ARID4B: variants seen among roughly 807,000 people sequenced by gnomAD.
ARID4B encodes the protein AT-rich interaction domain 4B.
A neutral mutation model predicts 147.5 loss-of-function variants in ARID4B; 26 were observed. The observed-to-expected ratio is 0.18, with a 90% CI of 0.13 to 0.24. The LOEUF (loss-of-function observed/expected upper bound fraction) is 0.24, where lower values mean the gene tolerates loss of function less well. ARID4B is among the 10% of genes least tolerant of loss of function. ARID4B has a pLI of 1.00. For synonymous variants in ARID4B, 512 were observed against 507.9 expected, an observed-to-expected ratio of 1.01 and a Z score of -0.11; for missense variants, 1,179 against 1,511.5, an observed-to-expected ratio of 0.78 and a Z score of 3.65.
intron 2 of ARID4B, among the ~76,000 whole-genome samples, chr1:235,266,310 A>G (rs1305936152): frequency 1.3e-5 from 2 of 152,114 alleles, no homozygotes; most frequent in African/African-American, 2.4e-5. Context: ...ATGCATGTCT[A>G]TCTATACGTA....
At chr1:235,260,537 C>G in intron 3 of ARID4B, 105 bp downstream of exon 3, 2 of 735,162 alleles carry the variant, frequency 2.7e-6, no homozygotes, top group Non-Finnish European at 4.2e-6. Context: ...ACAACCTTCA[C>G]TCCTAGAAAC....
intron 2 of ARID4B, among the ~76,000 whole-genome samples, chr1:235,309,883 A>G (rs993440785): frequency 3.3e-5 from 5 of 152,150 alleles, no homozygotes; most frequent in African/African-American, 1.2e-4. Flanking sequence ...CTTACCCCCA[A>G]CCCTGTGCTC....
chr1:235,318,536 T>C (rs1238434844), intron 2 of ARID4B, among the ~76,000 whole-genome samples: 2 of 152,108 alleles, frequency 1.3e-5, no homozygotes, highest in Non-Finnish European at 2.9e-5. Flanking sequence ...GCCACATATG[T>C]ATTACAGGAT....
At chr1:235,268,431 A>G (rs927727583) in intron 2 of ARID4B, among the ~76,000 whole-genome samples, 1 of 152,132 alleles carries the variant, frequency 6.6e-6, no homozygotes, top group African/African-American at 2.4e-5. Context: ...GTGTGTCCCT[A>G]TATTTTCCTA....
At chr1:235,250,024 G>A (rs1030516189) in intron 6 of ARID4B, among the ~76,000 whole-genome samples, 7 of 151,166 alleles carry the variant, frequency 4.6e-5, no homozygotes, top group South Asian at 2.1e-4. Flanking sequence ...GCAGAATGGC[G>A]TGAACCTGGG....
chr1:235,248,111 G>T (rs1481267233), intron 6 of ARID4B, among the ~76,000 whole-genome samples: 4 of 152,142 alleles, frequency 2.6e-5, no homozygotes, highest in Non-Finnish European at 5.9e-5. Context: ...TGCAGTGGCG[G>T]CATGATCATT....
intron 16 of ARID4B, among the ~76,000 whole-genome samples, chr1:235,217,142 A>T (rs1354207373): frequency 6.6e-6 from 1 of 152,184 alleles, no homozygotes; most frequent in Admixed American, 6.5e-5. Context: ...ATCAAAAATT[A>T]AAAATATACA....
chr1:235,284,307 C>T (rs1168405047), intron 2 of ARID4B, among the ~76,000 whole-genome samples: 1 of 152,124 alleles, frequency 6.6e-6, no homozygotes, highest in African/African-American at 2.4e-5. Flanking sequence ...CTGCAGTGAG[C>T]CAAGATTATG....
chr1:235,213,165 C>G (rs752313305), intron 17 of ARID4B, among the ~76,000 whole-genome samples: 3 of 152,116 alleles, frequency 2.0e-5, no homozygotes, highest in Non-Finnish European at 4.4e-5. Flanking sequence ...AAATTTCACT[C>G]TTGCCTTTCA....
chr1:235,273,703 T>C (rs112219306), intron 2 of ARID4B, among the ~76,000 whole-genome samples: 2 of 152,280 alleles, frequency 1.3e-5, no homozygotes, highest in African/African-American at 4.8e-5. Context: ...ACAAAATCAA[T>C]GAAATTCAAG....
chr1:235,214,916 A>C (rs1162015563), intron 16 of ARID4B, among the ~76,000 whole-genome samples: 1 of 136,584 alleles, frequency 7.3e-6, no homozygotes, highest in South Asian at 2.3e-4. Context: ...ATCTCGGCTC[A>C]CTGCAACCTC....
intron 19 of ARID4B, chr1:235,190,006 G>A (rs549900786): frequency 1.9e-5 from 3 of 154,482 alleles, no homozygotes; most frequent in African/African-American, 7.2e-5. Context: ...AAAGAGTCTA[G>A]CAAGTAGGCA....
intron 20 of ARID4B, among the ~76,000 whole-genome samples, chr1:235,178,381 C>A (rs980356413): frequency 6.6e-6 from 1 of 152,060 alleles, no homozygotes; most frequent in African/African-American, 2.4e-5. Flanking sequence ...AGCAGTAATT[C>A]ATACTTGGTT....
chr1:235,182,923 T>A, intron 19 of ARID4B, 130 bp from the exon 20 acceptor site: 1 of 760,566 alleles, frequency 1.3e-6, no homozygotes, highest in Non-Finnish European at 2.0e-6. Flanking sequence ...TATCTCTATG[T>A]AACATGCAAA....
At chr1:235,283,654 G>A (rs1283473211) in intron 2 of ARID4B, among the ~76,000 whole-genome samples, 1 of 152,012 alleles carries the variant, frequency 6.6e-6, no homozygotes, top group Non-Finnish European at 1.5e-5. Flanking sequence ...ACTTAAGACA[G>A]TCAATTTTAA....
intron 5 of ARID4B, among the ~76,000 whole-genome samples, chr1:235,254,121 A>G (rs1273728987): frequency 1.3e-5 from 2 of 152,156 alleles, no homozygotes; most frequent in African/African-American, 4.8e-5. Context: ...TCCTACATAG[A>G]ATTGCTCACA....
intron 8 of ARID4B, among the ~76,000 whole-genome samples, chr1:235,238,318 T>C (rs1404081272): frequency 1.3e-5 from 2 of 152,106 alleles, no homozygotes; most frequent in Non-Finnish European, 2.9e-5. Context: ...ACACAAAAAT[T>C]TTATTGAATG....
intron 9 of ARID4B, among the ~76,000 whole-genome samples, chr1:235,233,372 G>A (rs1668360704): frequency 6.6e-6 from 1 of 152,102 alleles, no homozygotes; most frequent in Admixed American, 6.5e-5. Flanking sequence ...GGTCATGGCT[G>A]CAGTGAGCCA....
rs75394776 is a variant in ARID4B at position 235,306,150 on chromosome 1, T to A, written c.6+20764A>T. ...CTATTTCAGAACAAGACAAGACTGA[T>A]GACAGTTAGTTTGAGATAAATGGGA... On this transcript the variant is annotated intron_variant, in intron 2 of 23. Transcript: ENST00000264183. Among the ~76,000 whole-genome samples, 557 of 152,244 alleles carry A rather than the reference T, an allele frequency of 3.7e-3. 18 individuals carry two copies. In the East Asian group the frequency reaches 0.076, roughly 21 times the overall value.
Sources: allele counts gnomAD v4.1 joint callset (sites outside exome capture counted in the v4.1 genomes callset), GRCh38; gene constraint gnomAD v4.1.1; transcripts MANE v1.5; gene names NCBI Gene and HGNC (gene_info 2026-07-23, HGNC 2026-07-21).